Variants in EYA4 observed in about 807,000 individuals in gnomAD.
EYA4 encodes protein phosphatase EYA4.
EYA4 carries 31 observed loss-of-function variants against 87.9 expected under a neutral mutation model. The ratio of observed to expected loss-of-function variants is 0.35; its 90% CI spans 0.27 to 0.48. The LOEUF is 0.48. Among genes scored for constraint, EYA4 ranks in the 20% least tolerant of loss-of-function variants. The pLI, the probability that EYA4 is intolerant of heterozygous loss-of-function variation, is 0.99. For missense variants in EYA4, 678 were observed against 761.4 expected (o/e 0.89, Z 1.29); for synonymous variants, 263 against 270.6 (o/e 0.97, Z 0.28).
intron 2 of EYA4, among the ~76,000 whole-genome samples, chr6:133,286,362 G>A (rs1483810346): frequency 6.6e-6 from 1 of 152,164 alleles, no homozygotes; most frequent in East Asian, 1.9e-4. Context: ...ATAAATTTGG[G>A]AGGCTTCAAG....
chr6:133,381,285 T>G (rs554549810), intron 2 of EYA4, among the ~76,000 whole-genome samples: 1 of 152,138 alleles, frequency 6.6e-6, no homozygotes, highest in African/African-American at 2.4e-5. Flanking sequence ...TGTCTAGACT[T>G]TGTATTAAAA....
intron 3 of EYA4, among the ~76,000 whole-genome samples, chr6:133,393,460 T>C (rs1018316828): frequency 5.9e-5 from 9 of 151,724 alleles, no homozygotes. Flanking sequence ...AGGGGAATGG[T>C]TGTGGTTTTA....
intron 14 of EYA4, among the ~76,000 whole-genome samples, chr6:133,506,464 T>C (rs1469770975): frequency 2.0e-5 from 3 of 152,206 alleles, no homozygotes; most frequent in African/African-American, 7.2e-5. Flanking sequence ...TACATGACTC[T>C]TGGTTCTTTT....
At chr6:133,399,311 A>C (rs1007426557) in intron 3 of EYA4, among the ~76,000 whole-genome samples, 1 of 152,184 alleles carries the variant, frequency 6.6e-6, no homozygotes, top group Non-Finnish European at 1.5e-5. Flanking sequence ...TACTTTTGTT[A>C]AACTAGTACT....
At chr6:133,325,466 C>A (rs1319061363) in intron 2 of EYA4, 2 of 152,138 alleles carry the variant, frequency 1.3e-5, no homozygotes, top group Non-Finnish European at 2.9e-5. Flanking sequence ...GGAGAGAGAA[C>A]TGAAATATCA....
At chr6:133,286,007 T>G (rs1452834071) in intron 2 of EYA4, among the ~76,000 whole-genome samples, 2 of 152,174 alleles carry the variant, frequency 1.3e-5, no homozygotes, top group East Asian at 3.9e-4. Context: ...TGCATCTCAG[T>G]TTCCTTACAG....
intron 3 of EYA4, among the ~76,000 whole-genome samples, chr6:133,428,036 C>A (rs1790829949): frequency 6.6e-6 from 1 of 152,128 alleles, no homozygotes; most frequent in African/African-American, 2.4e-5. Flanking sequence ...TTTGAAGACA[C>A]ACTCCAGTGT....
chr6:133,428,384 C>T (rs767159005), intron 3 of EYA4, among the ~76,000 whole-genome samples: 22 of 152,176 alleles, frequency 1.4e-4, no homozygotes, highest in Non-Finnish European at 2.8e-4. Context: ...AAGAATGACA[C>T]TCAAAGACAG....
At chr6:133,508,560 GTTAA>G (rs1476993608) in intron 14 of EYA4, among the ~76,000 whole-genome samples, 3 of 152,064 alleles carry the variant, frequency 2.0e-5, no homozygotes, top group Non-Finnish European at 4.4e-5. Flanking sequence ...ATTTCATTTG[GTTAA>G]TTATTTTTTA....
chr6:133,468,736 A>G lies in EYA4; in HGVS notation c.970+5A>G, dbSNP rs886061089. 11 of 1,612,768 alleles carry G rather than the reference A, an allele frequency of 6.8e-6. No homozygotes were observed. In the Admixed American group the frequency reaches 1.0e-4, roughly 15 times the overall value. ...CAGGACTGACTAACCAACCAGGTAC[A>G]GATCTTCACCCAGGTGAAATACTTT... On this transcript the variant is annotated splice_donor_5th_base_variant and intron_variant, in intron 11 of 19. Transcript: ENST00000355286.
chr6:133,456,582 C>A lies in EYA4; in HGVS notation c.304C>A (p.Pro102Thr), dbSNP rs756612363. ...TMSLLAVKTE[P>T]LNSSETTATT... ...GTCTCTTCTTGCAGTCAAAACAGAG[C>A]CCTTGAACAGCAGTGAAACCACAGC... is the stretch of plus-strand genomic sequence containing the variant. Residue 102 changes from proline to threonine, a missense_variant, in exon 6 of 20, where the codon CCC becomes ACC. Pro to Thr is a conservative substitution (Grantham distance 38). Coordinates refer to ENST00000355286, the MANE Select transcript of EYA4 (RefSeq NM_004100.5). The A allele has an allele frequency of 1.2e-6, 2 of 1,612,968 alleles. No individual in the cohort carries two copies. Among genetic ancestry groups the A allele is most frequent in the South Asian group, 2.2e-5 (2 of 91,058 alleles).
intron 2 of EYA4, among the ~76,000 whole-genome samples, chr6:133,378,567 G>T (rs1180980706): frequency 6.6e-6 from 1 of 152,000 alleles, no homozygotes; most frequent in Non-Finnish European, 1.5e-5. Flanking sequence ...TAGATCTGGA[G>T]TTGAAATTTG....
chr6:133,408,980 G>A (rs1010602522), intron 3 of EYA4, among the ~76,000 whole-genome samples: 8 of 152,098 alleles, frequency 5.3e-5, no homozygotes, highest in Non-Finnish European at 1.5e-5. Context: ...ACTTGATTTT[G>A]CAGACTCCCT....
At chr6:133,384,672 C>T (rs1786542069) in intron 3 of EYA4, among the ~76,000 whole-genome samples, 1 of 152,196 alleles carries the variant, frequency 6.6e-6, no homozygotes, top group Non-Finnish European at 1.5e-5. Context: ...TCTCCACACT[C>T]TGGTCAATAT....
At chr6:133,249,955 A>G (rs1465882152) in intron 1 of EYA4, among the ~76,000 whole-genome samples, 1 of 152,234 alleles carries the variant, frequency 6.6e-6, no homozygotes, top group Non-Finnish European at 1.5e-5. Context: ...GCTAATGCAC[A>G]GTGCACTGCT....
chr6:133,424,712 T>G lies in EYA4; in HGVS notation c.84-21918T>G, dbSNP rs576904452. On this transcript the variant is annotated intron_variant, in intron 3 of 19. Transcript: ENST00000355286. ...GGAGTGGGAGGCCCAGGTCTGCAGC[T>G]GTGGGTCAGGTGGCTGCAGCTGCAC... Among the ~76,000 whole-genome samples the G allele has an allele frequency of 4.9e-5, 7 of 142,856 alleles. 1 individual carries two copies. The highest frequency in any genetic ancestry group is 1.8e-4 in the African/African-American group (6 of 33,874). 93.7% of individuals were successfully genotyped at this position (142,856 alleles called of 152,430 possible). A position where few individuals can be genotyped will look rare whatever the true frequency, so the allele number is the denominator to read the frequency against.
chr6:133,335,782 C>T (rs371165124), intron 2 of EYA4, among the ~76,000 whole-genome samples: 66 of 152,046 alleles, frequency 4.3e-4, no homozygotes, highest in African/African-American at 1.4e-3. Flanking sequence ...TAAAGCTGTG[C>T]GGGTAAGTAG....
At chr6:133,258,003 C>A (rs1255074099) in intron 1 of EYA4, among the ~76,000 whole-genome samples, 2 of 152,070 alleles carry the variant, frequency 1.3e-5, no homozygotes, top group Non-Finnish European at 2.9e-5. Context: ...TTAGATATTT[C>A]TTCAAAGAAA....
intron 2 of EYA4, among the ~76,000 whole-genome samples, chr6:133,367,787 A>T (rs1478569037): frequency 6.6e-6 from 1 of 152,156 alleles, no homozygotes; most frequent in Non-Finnish European, 1.5e-5. Context: ...AATAATTCGT[A>T]CCTACAGGAT....
Sources: gnomAD v4.1 joint callset for allele counts (sites outside exome capture counted in the v4.1 genomes callset) on GRCh38, gnomAD v4.1.1 for gene constraint, MANE v1.5 for transcripts, NCBI Gene and HGNC (gene_info 2026-07-23, HGNC 2026-07-21) for gene names.